The following NPAS3 variants were observed in gnomAD, a reference collection of about 807,000 sequenced individuals.
NPAS3 encodes neuronal PAS domain protein 3, also known as neuronal PAS domain-containing protein 3.
A neutral mutation model predicts 73.1 loss-of-function variants in NPAS3; 14 were observed. The observed-to-expected ratio is 0.19, with a 90% CI of 0.13 to 0.30. NPAS3 has a LOEUF of 0.30. Among genes scored for constraint, NPAS3 ranks in the 10% least tolerant of loss-of-function variants. The pLI, the probability that NPAS3 is intolerant of heterozygous loss-of-function variation, is 1.00. For missense variants in NPAS3, 1,096 were observed against 1,250.0 expected, an observed-to-expected ratio of 0.88 and a Z score of 1.86; for synonymous variants, 620 against 541.5, an observed-to-expected ratio of 1.14 and a Z score of -2.01.
intron 5 of NPAS3, among the ~76,000 whole-genome samples, chr14:33,663,670 G>C (rs2059372916): frequency 6.6e-6 from 1 of 152,068 alleles, no homozygotes; most frequent in Non-Finnish European, 1.5e-5. Context: ...AATCCGTCTG[G>C]TCCTGGGGTT....
Position 33,773,528 on chromosome 14 carries a change from G to A in NPAS3, c.853-809G>A, listed in dbSNP as rs117106981. Among the ~76,000 whole-genome samples the A allele has an allele frequency of 1.1e-3, 168 of 152,250 alleles. 1 individual carries two copies. Among genetic ancestry groups the A allele is most frequent in the Middle Eastern group, 0.01 (3 of 294 alleles). ...CAGAGCATCATTTGAGGAAGTTGTCGCTATGGCTCTTCTATGTGCAGTTTA... is the reference window on the plus strand; with the variant it reads ...CAGAGCATCATTTGAGGAAGTTGTCACTATGGCTCTTCTATGTGCAGTTTA... On this transcript the variant is annotated intron_variant, in intron 7 of 11. Coordinates refer to ENST00000356141, the Ensembl canonical transcript of NPAS3.
intron 6 of NPAS3, among the ~76,000 whole-genome samples, chr14:33,697,493 G>T (rs1194345049): frequency 1.3e-5 from 2 of 152,282 alleles, no homozygotes; most frequent in African/African-American, 4.8e-5. Flanking sequence ...GGGAAAAGTT[G>T]GGGGCAATGT....
At chr14:33,454,077 T>C (rs1168061841) in intron 4 of NPAS3, among the ~76,000 whole-genome samples, 2 of 144,346 alleles carry the variant, frequency 1.4e-5, no homozygotes, top group Non-Finnish European at 2.9e-5. Context: ...TGCTCAGTTA[T>C]GATAGCTTCC....
intron 1 of NPAS3, among the ~76,000 whole-genome samples, chr14:33,028,708 A>G (rs1348338312): frequency 2.6e-5 from 4 of 152,208 alleles, no homozygotes; most frequent in African/African-American, 4.8e-5. Flanking sequence ...GAACACCAAG[A>G]AATGAAGAAA....
intron 3 of NPAS3, among the ~76,000 whole-genome samples, chr14:33,321,551 G>C (rs922461045): frequency 2.3e-4 from 35 of 151,958 alleles, no homozygotes; most frequent in African/African-American, 7.5e-4. Context: ...CAGAAAGACA[G>C]CATGGGATTT....
intron 7 of NPAS3, among the ~76,000 whole-genome samples, chr14:33,750,063 C>T (rs889199013): frequency 6.6e-6 from 1 of 152,118 alleles, no homozygotes; most frequent in Admixed American, 6.6e-5. Flanking sequence ...AGTGAAAATT[C>T]ATAGGCACCT....
At chr14:33,191,196 C>A (rs142958322) in intron 2 of NPAS3, among the ~76,000 whole-genome samples, 2,149 of 152,084 alleles carry the variant, frequency 0.014, 33 homozygotes, top group Non-Finnish European at 0.019. Flanking sequence ...GCCTTTAACC[C>A]GAAGGTGAGT....
intron 4 of NPAS3, among the ~76,000 whole-genome samples, chr14:33,505,986 C>T (rs1457664009): frequency 6.6e-6 from 1 of 151,942 alleles, no homozygotes; most frequent in East Asian, 1.9e-4. Flanking sequence ...GCCCCATATC[C>T]ACGCGTTCTT....
intron 3 of NPAS3, among the ~76,000 whole-genome samples, chr14:33,287,116 T>C (rs2041908635): frequency 6.6e-6 from 1 of 152,094 alleles, no homozygotes; most frequent in African/African-American, 2.4e-5. Context: ...AGAAAGAAAC[T>C]TTTCCCGTTT....
chr14:33,009,810 T>G (rs2039127545), intron 1 of NPAS3, among the ~76,000 whole-genome samples: 1 of 152,106 alleles, frequency 6.6e-6, no homozygotes, highest in Admixed American at 6.5e-5. Flanking sequence ...GTAAACACTT[T>G]CTGTCTAACT....
At chr14:33,690,032 C>CTCTT (rs1005467745) in intron 6 of NPAS3, among the ~76,000 whole-genome samples, 5 of 152,294 alleles carry the variant, frequency 3.3e-5, no homozygotes, top group Admixed American at 2.6e-4. Flanking sequence ...CCGATATTTT[C>CTCTT]TCTTTTTATC....
intron 2 of NPAS3, among the ~76,000 whole-genome samples, chr14:33,137,021 C>T (rs1342437739): frequency 6.6e-6 from 1 of 151,946 alleles, no homozygotes; most frequent in Non-Finnish European, 1.5e-5. Flanking sequence ...TTTTTCTGTT[C>T]TGTTGAAAAA....
chr14:33,515,692 A>C (rs991164521), intron 4 of NPAS3, among the ~76,000 whole-genome samples: 1 of 152,098 alleles, frequency 6.6e-6, no homozygotes, highest in Non-Finnish European at 1.5e-5. Context: ...GAATACAGTC[A>C]TACTTTTTGC....
intron 4 of NPAS3, among the ~76,000 whole-genome samples, chr14:33,521,002 G>GAA (rs2053530955): frequency 6.6e-6 from 1 of 152,130 alleles, no homozygotes; most frequent in East Asian, 1.9e-4. Context: ...TGTTGTATCT[G>GAA]ATAAATTTTA....
intron 2 of NPAS3, among the ~76,000 whole-genome samples, chr14:33,114,128 T>G (rs148027241): frequency 6.8e-4 from 104 of 152,170 alleles, no homozygotes; most frequent in African/African-American, 2.3e-3. Context: ...CTCTGCCTCC[T>G]GGGTTCATGC....
intron 1 of NPAS3, among the ~76,000 whole-genome samples, chr14:33,007,932 C>T (rs561102230): frequency 3.3e-5 from 5 of 152,046 alleles, no homozygotes; most frequent in Non-Finnish European, 7.4e-5. Context: ...TTGCCAACTC[C>T]GGTTCTAGTG....
intron 1 of NPAS3, among the ~76,000 whole-genome samples, chr14:33,008,833 T>C (rs1239862252): frequency 2.0e-5 from 3 of 152,106 alleles, no homozygotes; most frequent in Non-Finnish European, 4.4e-5. Context: ...GACTGACCAC[T>C]GTGGTCAGCA....
At chr14:33,620,370 A>C (rs1462543909) in intron 5 of NPAS3, among the ~76,000 whole-genome samples, 3 of 152,144 alleles carry the variant, frequency 2.0e-5, no homozygotes, top group Non-Finnish European at 4.4e-5. Flanking sequence ...ACAGAATTCT[A>C]TTATGAAAAT....
chr14:33,260,201 C>T (rs1948227728), intron 3 of NPAS3, among the ~76,000 whole-genome samples: 1 of 152,108 alleles, frequency 6.6e-6, no homozygotes, highest in South Asian at 2.1e-4. Context: ...AGATGAGATT[C>T]TTAGATCCTT....
Sources: gnomAD v4.1 joint callset for allele counts (sites outside exome capture counted in the v4.1 genomes callset) on GRCh38, gnomAD v4.1.1 for gene constraint, MANE v1.5 for transcripts, NCBI Gene and HGNC (gene_info 2026-07-23, HGNC 2026-07-21) for gene names.